Variants in TBC1D5 observed in about 807,000 individuals in gnomAD.
The protein encoded by TBC1D5 is TBC1 domain family, member 5.
In TBC1D5, 75 loss-of-function variants were observed where a neutral mutation model predicts 100.3. That is an observed-to-expected ratio of 0.75 (90% CI 0.62 to 0.91). The LOEUF (loss-of-function observed/expected upper bound fraction) is 0.91. Among genes scored for constraint, TBC1D5 ranks in the 40% least tolerant of loss-of-function variants. The probability of loss-of-function intolerance (pLI) is 0.00; values close to 1 mark genes in which losing one functional copy is unlikely to be tolerated. For missense variants in TBC1D5, 910 were observed against 942.4 expected, an observed-to-expected ratio of 0.97 and a Z score of 0.45; for synonymous variants, 323 against 325.6, an observed-to-expected ratio of 0.99 and a Z score of 0.09.
chr3:17,447,797 A>G (rs2094834522), intron 3 of TBC1D5, among the ~76,000 whole-genome samples: 1 of 152,242 alleles, frequency 6.6e-6, no homozygotes, highest in Non-Finnish European at 1.5e-5. Context: ...TCATCAAAGT[A>G]GATAATAACG....
intron 4 of TBC1D5, among the ~76,000 whole-genome samples, chr3:17,408,263 T>C (rs1001024566): frequency 7.4e-6 from 1 of 135,432 alleles, no homozygotes; most frequent in African/African-American, 2.9e-5. Flanking sequence ...CTCAGAAGAC[T>C]ATCCAACACA....
At chr3:17,307,216 G>A (rs748915407) in intron 14 of TBC1D5, among the ~76,000 whole-genome samples, 1 of 152,130 alleles carries the variant, frequency 6.6e-6, no homozygotes, top group Non-Finnish European at 1.5e-5. Context: ...TTCTGACAAA[G>A]TCTTACTTTA....
chr3:17,161,822 T>G (rs1056818287), intron 21 of TBC1D5, among the ~76,000 whole-genome samples: 1 of 152,200 alleles, frequency 6.6e-6, no homozygotes, highest in East Asian at 1.9e-4. Context: ...ATGTATTTCA[T>G]CTCATGTAGA....
chr3:17,254,168 TTC>T (rs1410149146), intron 16 of TBC1D5, among the ~76,000 whole-genome samples: 1 of 152,266 alleles, frequency 6.6e-6, no homozygotes, highest in Non-Finnish European at 1.5e-5. Flanking sequence ...GCTGTGAATA[TTC>T]TGTTTCAATG....
At chr3:17,532,350 G>A (rs1004928433) in intron 2 of TBC1D5, among the ~76,000 whole-genome samples, 2 of 152,204 alleles carry the variant, frequency 1.3e-5, no homozygotes, top group African/African-American at 4.8e-5. Context: ...GTGCTGGAGA[G>A]GATGTAGAGA....
chr3:17,160,626 G>A (rs188466617), exon 22 of TBC1D5: 59 of 239,910 alleles, frequency 2.5e-4, no homozygotes, highest in Non-Finnish European at 4.5e-4. Flanking sequence ...CTGGGGAGAA[G>A]GGGACAGAGG....
intron 13 of TBC1D5, among the ~76,000 whole-genome samples, chr3:17,339,993 T>C (rs1402125177): frequency 6.6e-6 from 1 of 152,206 alleles, no homozygotes; most frequent in Admixed American, 6.5e-5. Flanking sequence ...AATTAATTTT[T>C]ATAAGATAAA....
intron 3 of TBC1D5, among the ~76,000 whole-genome samples, chr3:17,432,618 G>C (rs546066224): frequency 6.6e-6 from 1 of 152,220 alleles, no homozygotes; most frequent in South Asian, 2.1e-4. Context: ...TTACATTCCA[G>C]TGATTTAATA....
chr3:17,455,814 G>A (rs1257606262), intron 3 of TBC1D5, among the ~76,000 whole-genome samples: 8 of 151,976 alleles, frequency 5.3e-5, no homozygotes, highest in Non-Finnish European at 1.2e-4. Flanking sequence ...TTCCAGCCTG[G>A]GTGAAAGAAT....
chr3:17,722,484 A>G (rs1439718628), intron 1 of TBC1D5, among the ~76,000 whole-genome samples: 2 of 152,182 alleles, frequency 1.3e-5, no homozygotes, highest in Non-Finnish European at 2.9e-5. Context: ...GTCAGGTTTG[A>G]TATTTTCCAC....
At position 17,332,626 on chromosome 3, in the gene TBC1D5, G is replaced by T. The variant is rs187512785; in HGVS notation, c.996-24492C>A. ...ATTTAGGAGCCAGGAAGAGAAAAAT[G>T]AATTAATAAAGGAGATTGAGAAGAA... On this transcript the variant is annotated intron_variant, in intron 13 of 21. Coordinates refer to ENST00000253692, the Ensembl canonical transcript of TBC1D5. Among the ~76,000 whole-genome samples the T allele has an allele frequency of 3.5e-3, 528 of 151,994 alleles. 4 individuals carry two copies. The highest frequency in any genetic ancestry group is 0.012 in the African/African-American group (500 of 41,464).
intron 10 of TBC1D5, among the ~76,000 whole-genome samples, chr3:17,375,123 T>A (rs1379618065): frequency 6.6e-6 from 1 of 152,158 alleles, no homozygotes; most frequent in Non-Finnish European, 1.5e-5. Flanking sequence ...TCTTAAGCAT[T>A]TATTTTACTT....
chr3:17,184,289 T>G (rs941721404), intron 19 of TBC1D5, among the ~76,000 whole-genome samples: 10 of 152,090 alleles, frequency 6.6e-5, no homozygotes, highest in African/African-American at 2.4e-4. Context: ...CAGTCAGAAG[T>G]AAGAAAAGGT....
chr3:17,620,072 T>TA (rs1174353689), intron 2 of TBC1D5, among the ~76,000 whole-genome samples: 1 of 152,206 alleles, frequency 6.6e-6, no homozygotes, highest in African/African-American at 2.4e-5. Flanking sequence ...GGCAAAATGT[T>TA]ACAGCCCCCA....
At chr3:17,687,013 T>C (rs910392728) in intron 1 of TBC1D5, among the ~76,000 whole-genome samples, 3 of 152,164 alleles carry the variant, frequency 2.0e-5, no homozygotes, top group Non-Finnish European at 4.4e-5. Context: ...GTCTTTTTTC[T>C]ATGTATAATA....
chr3:17,698,983 G>A (rs1239992383), intron 1 of TBC1D5, among the ~76,000 whole-genome samples: 1 of 149,996 alleles, frequency 6.7e-6, no homozygotes, highest in Non-Finnish European at 1.5e-5. Flanking sequence ...AAGTCAGTGT[G>A]GCGATTCCTC....
intron 18 of TBC1D5, among the ~76,000 whole-genome samples, chr3:17,211,725 T>C (rs1008934528): frequency 1.3e-5 from 2 of 152,246 alleles, no homozygotes; most frequent in Non-Finnish European, 2.9e-5. Context: ...AATATTTTTA[T>C]TGCTACTGTT....
chr3:17,359,180 T>C (rs1052478727), intron 13 of TBC1D5, among the ~76,000 whole-genome samples: 2 of 152,056 alleles, frequency 1.3e-5, no homozygotes, highest in Non-Finnish European at 2.9e-5. Flanking sequence ...GTATCTCCAA[T>C]TAGTGTAGAA....
intron 13 of TBC1D5, among the ~76,000 whole-genome samples, chr3:17,314,515 C>T (rs2084426657): frequency 6.6e-6 from 1 of 152,124 alleles, no homozygotes; most frequent in Non-Finnish European, 1.5e-5. Context: ...CCTGCATGCC[C>T]ATACCTCCAA....
Sources: gnomAD v4.1 joint callset for allele counts (sites outside exome capture counted in the v4.1 genomes callset) on GRCh38, gnomAD v4.1.1 for gene constraint, MANE v1.5 for transcripts, NCBI Gene and HGNC (gene_info 2026-07-23, HGNC 2026-07-21) for gene names.